The following WNT9B variants were observed in gnomAD, a reference collection of about 807,000 sequenced individuals.
WNT9B encodes the protein Wnt family member 9B.
A neutral mutation model predicts 30.2 loss-of-function variants in WNT9B; 12 were observed. That is an observed-to-expected ratio of 0.40 (90% CI 0.26 to 0.64). The LOEUF (loss-of-function observed/expected upper bound fraction) is 0.64, where lower values mean the gene tolerates loss of function less well. WNT9B is among the 30% of genes least tolerant of loss of function. The pLI, the probability that WNT9B is intolerant of heterozygous loss-of-function variation, is 0.42. For missense variants in WNT9B, 442 were observed against 485.2 expected (o/e 0.91, Z 0.84); for synonymous variants, 218 against 216.9 (o/e 1.01, Z -0.05).
chr17:46,861,799 G>T (rs1894734613), intron 1 of WNT9B, among the ~76,000 whole-genome samples: 1 of 152,204 alleles, frequency 6.6e-6, no homozygotes, highest in Admixed American at 6.5e-5. Context: ...AAGACCAAAG[G>T]GTTTGTTTTT....
chr17:46,881,394 A>T (rs1469561196), downstream of WNT9B, among the ~76,000 whole-genome samples: 1 of 152,230 alleles, frequency 6.6e-6, no homozygotes, highest in Non-Finnish European at 1.5e-5. Context: ...GCTCCAGTTT[A>T]TCAAGGGATT....
chr17:46,877,451 G>A lies in WNT9B; in HGVS notation c.*733G>A, dbSNP rs546562757. Among the ~76,000 whole-genome samples the A allele has an allele frequency of 6.6e-5, 10 of 152,248 alleles. No homozygotes were observed. The highest frequency in any genetic ancestry group is 5.8e-4 in the East Asian group (3 of 5,178). On this transcript the variant is annotated 3_prime_UTR_variant, in exon 4 of 4. Coordinates refer to ENST00000290015, the MANE Select transcript of WNT9B (RefSeq NM_003396.3). ...CTGGGTTATGCACACTCACCCAGCC[G>A]TGCTCAAAACTACCACCAGTGCAGG...
In WNT9B at chr17:46,877,182, C is replaced by A; in HGVS notation, c.*464C>A. 1 of 674,554 alleles carries A rather than the reference C, an allele frequency of 1.5e-6. No individual in the cohort carries two copies. The highest frequency in any genetic ancestry group is 1.8e-6 in the Non-Finnish European group (1 of 546,064). 41.8% of individuals were successfully genotyped at this position (674,554 alleles called of 1,614,324 possible). On this transcript the variant is annotated 3_prime_UTR_variant, in exon 4 of 4. Transcript: ENST00000290015. ...AGGCGGGAGCCTGGCTGAGATGGGT[C>A]AATCGGGTCCTGTGGCCCTGCTCAG...
intron 1 of WNT9B, among the ~76,000 whole-genome samples, chr17:46,841,889 T>C (rs984585351): frequency 2.0e-5 from 3 of 152,234 alleles, no homozygotes; most frequent in Non-Finnish European, 2.9e-5. Flanking sequence ...TGCGCTCCTC[T>C]GCGGTGTGTG....
chr17:46,886,477 C>T (rs940402833), exon 5 of WNT9B: 5 of 152,140 alleles, frequency 3.3e-5, no homozygotes, highest in Non-Finnish European at 5.9e-5. Context: ...TGGGAGTATA[C>T]TCCTAAGTTG....
intron 1 of WNT9B, among the ~76,000 whole-genome samples, chr17:46,839,938 TTCTTTC>T (rs1223683266): frequency 4.7e-5 from 7 of 148,944 alleles, no homozygotes; most frequent in Admixed American, 2.0e-4. Context: ...CTTTCTTTCT[TTCTTTC>T]TTTCTTTCTT....
intron 1 of WNT9B, among the ~76,000 whole-genome samples, chr17:46,861,210 G>A (rs2146567900): frequency 6.6e-6 from 1 of 152,358 alleles, no homozygotes; most frequent in South Asian, 2.1e-4. Flanking sequence ...CTGGGCATCT[G>A]TTGTCCTGTG....
At chr17:46,880,680 C>T (rs190019755), downstream of WNT9B, among the ~76,000 whole-genome samples, 5 of 152,272 alleles carry the variant, frequency 3.3e-5, no homozygotes, top group South Asian at 1.0e-3. Context: ...GGCAGTGGGG[C>T]CAGGATTGGA....
At chr17:46,840,959 A>T (rs1331378476) in intron 1 of WNT9B, among the ~76,000 whole-genome samples, 2 of 152,190 alleles carry the variant, frequency 1.3e-5, no homozygotes, top group Non-Finnish European at 2.9e-5. Flanking sequence ...TGGAGGCAGA[A>T]AGCAGCCGGT....
rs1257003067 is a variant in WNT9B at position 46,839,997 on chromosome 17, TTTC to T, written c.95+6563_95+6565del. On this transcript the variant is annotated intron_variant, in intron 1 of 2. Transcript: ENST00000575372. ...CTTTCTCTTCTTTCTTTCTTTTTTC[TTTC>T]TTCTTTCTTTCTTTCTTTCTTTCTT... Among the ~76,000 whole-genome samples the T allele has an allele frequency of 3.4e-3, 210 of 62,558 alleles. 1 individual carries two copies. Among genetic ancestry groups the T allele is most frequent in the African/African-American group, 0.014 (199 of 14,334 alleles). 41.0% of individuals were successfully genotyped at this position (62,558 alleles called of 152,430 possible).
At chr17:46,867,943 G>C (rs2085167845) in intron 1 of WNT9B, among the ~76,000 whole-genome samples, 1 of 152,176 alleles carries the variant, frequency 6.6e-6, no homozygotes, top group South Asian at 2.1e-4. Flanking sequence ...AGGACCATGG[G>C]GTGAAGGTGC....
Position 46,875,144 on chromosome 17 carries a change from C to T in WNT9B, c.378C>T (p.Ala126=). ...TCCTGTACGCGGTGTCCTCTGCCGC[C>T]CTCACCCACACCCTGGCCCGGGCCT... ...TAFLYAVSSA[A]LTHTLARACS... is the part of the protein sequence containing the mutation. The change falls in exon 3 of 4, where the codon GCC becomes GCT. Residue 126 remains alanine, a synonymous_variant. Coordinates refer to ENST00000290015, the MANE Select transcript of WNT9B (RefSeq NM_003396.3). 6.2e-7 allele frequency: 1 copy of T among 1,613,984 alleles called. No individual in the cohort carries two copies. The highest frequency in any genetic ancestry group is 1.3e-5 in the African/African-American group (1 of 75,050).
chr17:46,867,937 C>T (rs1312300523), intron 1 of WNT9B, among the ~76,000 whole-genome samples: 1 of 151,964 alleles, frequency 6.6e-6, no homozygotes, highest in Non-Finnish European at 1.5e-5. Flanking sequence ...CCACCAAGGA[C>T]CATGGGGTGA....
intron 1 of WNT9B, among the ~76,000 whole-genome samples, chr17:46,860,403 T>A (rs779655980): frequency 6.6e-6 from 1 of 152,062 alleles, no homozygotes; most frequent in Non-Finnish European, 1.5e-5. Context: ...ATGAGCAGGA[T>A]CGGACATGGC....
rs1198449231 is a variant in WNT9B at position 46,878,307 on chromosome 17, G to A, written c.*1589G>A. On this transcript the variant is annotated 3_prime_UTR_variant, in exon 4 of 4. Transcript: ENST00000290015. ...CAGGAAATTTCAGAATCAGCTGAAT[G>A]CTCAGAAACCTCGCCTGTGCCAGCT... 2.6e-5 allele frequency among the ~76,000 whole-genome samples: 4 copies of A among 152,200 alleles called. No individual in the cohort carries two copies. Among genetic ancestry groups the A allele is most frequent in the Non-Finnish European group, 5.9e-5 (4 of 68,046 alleles).
intron 2 of WNT9B, among the ~76,000 whole-genome samples, chr17:46,874,447 G>A (rs1327618604): frequency 1.3e-5 from 2 of 152,234 alleles, no homozygotes; most frequent in East Asian, 3.8e-4. Flanking sequence ...AGGTGTCTGA[G>A]TAGCTTCTCT....
At chr17:46,837,263 G>A (rs185885557) in intron 1 of WNT9B, among the ~76,000 whole-genome samples, 13 of 152,232 alleles carry the variant, frequency 8.5e-5, no homozygotes, top group Admixed American at 8.5e-4. Context: ...TATTTCACAT[G>A]ATATTTGTTT....
chr17:46,864,347 A>G (rs2085096648), intron 1 of WNT9B, among the ~76,000 whole-genome samples: 1 of 151,250 alleles, frequency 6.6e-6, no homozygotes. Context: ...AGCTCCCCCA[A>G]CTCCTTCTCT....
chr17:46,856,133 A>T (rs2084934306), intron 1 of WNT9B, among the ~76,000 whole-genome samples: 1 of 152,146 alleles, frequency 6.6e-6, no homozygotes, highest in Non-Finnish European at 1.5e-5. Flanking sequence ...CTCTCTAGGG[A>T]TAGTACAGAG....
Sources: gnomAD v4.1 joint callset for allele counts (sites outside exome capture counted in the v4.1 genomes callset) on GRCh38, gnomAD v4.1.1 for gene constraint, MANE v1.5 for transcripts, NCBI Gene and HGNC (gene_info 2026-07-23, HGNC 2026-07-21) for gene names.